The following SNX24 variants were observed in gnomAD, a reference collection of about 807,000 sequenced individuals.
SNX24 encodes sorting nexin-24.
In SNX24, 22 loss-of-function variants were observed where a neutral mutation model predicts 28.7. The ratio of observed to expected loss-of-function variants is 0.77; its 90% CI spans 0.55 to 1.10. SNX24 has a LOEUF of 1.10. Ranked by LOEUF, SNX24 falls within the 50% of genes least tolerant of loss-of-function variation. SNX24 has a pLI of 0.00. For missense variants in SNX24, 221 were observed against 201.1 expected (o/e 1.10, Z -0.60); for synonymous variants, 69 against 71.5 (o/e 0.96, Z 0.18).
At chr5:122,947,926 A>G (rs1365667121) in intron 3 of SNX24, among the ~76,000 whole-genome samples, 3 of 152,196 alleles carry the variant, frequency 2.0e-5, no homozygotes, top group African/African-American at 7.2e-5. Flanking sequence ...TGTACTTCGG[A>G]TATAAATATG....
At chr5:122,906,161 G>A (rs928323536) in intron 1 of SNX24, among the ~76,000 whole-genome samples, 2 of 152,180 alleles carry the variant, frequency 1.3e-5, no homozygotes, top group African/African-American at 4.8e-5. Context: ...GAAAGTACAA[G>A]GTGGTAGTAT....
intron 1 of SNX24, among the ~76,000 whole-genome samples, chr5:122,914,259 A>G (rs572858457): frequency 9.2e-5 from 14 of 152,332 alleles, no homozygotes; most frequent in Admixed American, 2.6e-4. Flanking sequence ...CTTGATCATG[A>G]TGGATAAGCT....
rs891072474 is a variant in SNX24 at position 123,002,559 on chromosome 5, G to A, written c.442+555G>A. Among the ~76,000 whole-genome samples the A allele has an allele frequency of 2.0e-5, 3 of 152,288 alleles. No individual in the cohort carries two copies. The East Asian group carries it at 5.8e-4, about 30-fold the overall frequency. The stretch of plus-strand genomic sequence containing the variant: ...AGGCAGGAGAATGGCGTGAACCCGG[G>A]AGGCGGAGCTTGCAGTGAGCCGAGA... On this transcript the variant is annotated intron_variant, in intron 6 of 6. Coordinates refer to ENST00000261369, the MANE Select transcript of SNX24 (RefSeq NM_014035.4).
chr5:122,958,323 A>G (rs958270150), intron 3 of SNX24, among the ~76,000 whole-genome samples: 11 of 151,948 alleles, frequency 7.2e-5, no homozygotes, highest in African/African-American at 2.7e-4. Flanking sequence ...GCATGGTCTC[A>G]GCTCACTGCA....
Position 122,954,550 on chromosome 5 carries a change from A to G in SNX24, c.249+8391A>G, listed in dbSNP as rs188816845. On this transcript the variant is annotated intron_variant, in intron 3 of 6. Coordinates refer to ENST00000261369, the MANE Select transcript of SNX24 (RefSeq NM_014035.4). ...CTTTCTATTGTTCCCCCATTTGTTT[A>G]TATTTGTTTTTTTAATAGTTACCTG... Among the ~76,000 whole-genome samples the G allele has an allele frequency of 4.5e-4, 65 of 144,786 alleles. 1 individual carries two copies. The highest frequency in any genetic ancestry group is 1.6e-3 in the African/African-American group (63 of 39,024). 95.0% of individuals were successfully genotyped at this position (144,786 alleles called of 152,430 possible).
At chr5:123,001,302 A>C in intron 4 of SNX24, 103 bp from the exon 5 acceptor site, 1 of 749,432 alleles carries the variant, frequency 1.3e-6, no homozygotes, top group South Asian at 1.6e-5. Flanking sequence ...AATAACTACC[A>C]ATTCAGTCAT....
chr5:122,931,694 G>A (rs189049264), intron 1 of SNX24, among the ~76,000 whole-genome samples: 100 of 152,144 alleles, frequency 6.6e-4, no homozygotes, highest in South Asian at 6.0e-3. Context: ...GATTCCCAGC[G>A]TAACGATACA....
intron 3 of SNX24, 25 bp from the exon 4 acceptor site, chr5:122,999,887 C>T (rs369562615): frequency 7.0e-6 from 10 of 1,437,444 alleles, no homozygotes; most frequent in South Asian, 2.3e-5. Flanking sequence ...ACTTCAGTTT[C>T]GAATTCTGTT....
At position 122,900,583 on chromosome 5, in the gene SNX24, C is replaced by T. The variant is rs572712320; in HGVS notation, c.61-36151C>T. Reference sequence around the variant, plus strand: ...AGGAGTTTGAGACCAGCCTGGGCAACGTAGTAAGACCCCATCACTACAAAA... The same window carrying T: ...AGGAGTTTGAGACCAGCCTGGGCAATGTAGTAAGACCCCATCACTACAAAA... On this transcript the variant is annotated intron_variant, in intron 1 of 6. Transcript: ENST00000261369. Among the ~76,000 whole-genome samples, 173 of 152,050 alleles carry T rather than the reference C, an allele frequency of 1.1e-3. 1 individual carries two copies. Among genetic ancestry groups the T allele is most frequent in the African/African-American group, 3.7e-3 (152 of 41,480 alleles).
intron 1 of SNX24, among the ~76,000 whole-genome samples, chr5:122,875,892 G>A (rs566246874): frequency 3.5e-4 from 54 of 152,292 alleles, no homozygotes; most frequent in African/African-American, 5.5e-4. Flanking sequence ...AGGTTCAAGC[G>A]ATTCTCTTGC....
At chr5:122,883,339 G>T (rs1350392653) in intron 1 of SNX24, among the ~76,000 whole-genome samples, 1 of 151,856 alleles carries the variant, frequency 6.6e-6, no homozygotes, top group Non-Finnish European at 1.5e-5. Context: ...ATATTTAAGG[G>T]CTTTCTTCTT....
rs796824563 is a variant in SNX24, at chr5:122,893,285, A to AT, written c.61-43438dup. On this transcript the variant is annotated intron_variant, in intron 1 of 6. Coordinates refer to ENST00000261369, the MANE Select transcript of SNX24 (RefSeq NM_014035.4). Reference sequence around the variant, plus strand: ...TCTTGTGTCCTTTTGACATGACCCCATTTTTTTTTTTGATGACCATTTCTT... The same window carrying AT: ...TCTTGTGTCCTTTTGACATGACCCCATTTTTTTTTTTTGATGACCATTTCTT... Among the ~76,000 whole-genome samples, 221 of 145,198 alleles carry AT rather than the reference A, an allele frequency of 1.5e-3. 1 individual carries two copies. The highest frequency in any genetic ancestry group is 3.5e-3 in the African/African-American group (140 of 39,872).
Position 123,007,749 on chromosome 5 carries a change from G to C in SNX24, c.510G>C (p.Ter170TyrextTer25). ...TTTACCCTCATCTACAGCCCAGGTA[G>C]AAATCCTACATGGCTAAAAGAAGCA... ...GIFYPHLQPR[*>Y] Residue 170 changes from the stop codon to tyrosine, a stop_lost, in exon 7 of 7, where the codon TAG (stop) becomes TAC (tyrosine). Coordinates refer to ENST00000261369, the MANE Select transcript of SNX24 (RefSeq NM_014035.4). 1 of 1,599,180 alleles carries C rather than the reference G, an allele frequency of 6.3e-7. No individual in the cohort carries two copies. The highest frequency in any genetic ancestry group is 8.5e-7 in the Non-Finnish European group (1 of 1,176,354).
intron 2 of SNX24, among the ~76,000 whole-genome samples, chr5:122,939,461 A>G (rs942852170): frequency 7.2e-5 from 11 of 152,176 alleles, no homozygotes; most frequent in African/African-American, 2.7e-4. Context: ...TATTAATACA[A>G]TATTAGCCAT....
chr5:122,845,768 C>T (rs1754592892), intron 1 of SNX24, 75 bp downstream of exon 1: 2 of 884,740 alleles, frequency 2.3e-6, no homozygotes, highest in Non-Finnish European at 3.1e-6. Flanking sequence ...ACACCCTTGG[C>T]CGCCGCCGCC....
chr5:122,914,104 G>A (rs933756878), intron 1 of SNX24, among the ~76,000 whole-genome samples: 1 of 152,206 alleles, frequency 6.6e-6, no homozygotes, highest in African/African-American at 2.4e-5. Flanking sequence ...ACCATGGAAA[G>A]AGAGGAAGAG....
chr5:122,992,082 G>T (rs537663231), intron 3 of SNX24, among the ~76,000 whole-genome samples: 1 of 152,264 alleles, frequency 6.6e-6, no homozygotes, highest in Non-Finnish European at 1.5e-5. Context: ...TTTGGGGAAT[G>T]AATGAATGAA....
intron 1 of SNX24, among the ~76,000 whole-genome samples, chr5:122,921,812 A>AT (rs1433883992): frequency 6.6e-6 from 1 of 152,166 alleles, no homozygotes; most frequent in Non-Finnish European, 1.5e-5. Flanking sequence ...CAAAAAAAAA[A>AT]GCTTGCAAAA....
chr5:122,917,809 G>T (rs1018758391), intron 1 of SNX24, among the ~76,000 whole-genome samples: 1 of 152,136 alleles, frequency 6.6e-6, no homozygotes, highest in Non-Finnish European at 1.5e-5. Flanking sequence ...GGCCGGGTGC[G>T]GTGGCTTACA....
Sources: allele counts gnomAD v4.1 joint callset (sites outside exome capture counted in the v4.1 genomes callset), GRCh38; gene constraint gnomAD v4.1.1; transcripts MANE v1.5; gene names NCBI Gene and HGNC (gene_info 2026-07-23, HGNC 2026-07-21).